SLAMF9: variants seen among roughly 807,000 people sequenced by gnomAD.
SLAMF9 encodes the protein SLAM family member 9, also known as CD2 family member 10.
In SLAMF9, 25 loss-of-function variants were observed where a neutral mutation model predicts 30.4. That is an observed-to-expected ratio of 0.82 (90% confidence interval 0.60 to 1.15). The LOEUF (loss-of-function observed/expected upper bound fraction) is 1.15. Ranked by LOEUF, SLAMF9 falls within the 50% of genes most tolerant of loss-of-function variation. The probability of loss-of-function intolerance (pLI) is 0.00; values close to 1 mark genes in which losing one functional copy is unlikely to be tolerated. For missense variants in SLAMF9, 344 were observed against 346.1 expected, an observed-to-expected ratio of 0.99 and a Z score of 0.05; for synonymous variants, 129 against 127.2, an observed-to-expected ratio of 1.01 and a Z score of -0.09.
chr1:159,955,465 G>A (rs553653119), upstream of SLAMF9, among the ~76,000 whole-genome samples: 15 of 152,260 alleles, frequency 9.9e-5, no homozygotes, highest in South Asian at 1.5e-3. Context: ...CAAGACCAAG[G>A]GAACAATAGA....
At chr1:159,968,361 G>A in the SLAMF9 span, among the ~76,000 whole-genome samples, 1 of 152,120 alleles carries the variant, frequency 6.6e-6, no homozygotes, top group African/African-American at 2.4e-5. Flanking sequence ...CATCTCTGAT[G>A]TACCAAGTAT....
upstream of SLAMF9, among the ~76,000 whole-genome samples, chr1:159,954,904 C>T (rs1316092771): frequency 2.6e-5 from 4 of 151,924 alleles, no homozygotes; most frequent in African/African-American, 9.7e-5. Flanking sequence ...CATGGTGAAA[C>T]CCCGTCTCTA....
the SLAMF9 span, among the ~76,000 whole-genome samples, chr1:159,961,675 G>A: frequency 3.9e-5 from 6 of 152,220 alleles, no homozygotes; most frequent in African/African-American, 1.4e-4. Context: ...GTTCCTCGCA[G>A]AGGGAGCAGC....
At chr1:159,969,571 G>A in the SLAMF9 span, among the ~76,000 whole-genome samples, 1 of 152,172 alleles carries the variant, frequency 6.6e-6, no homozygotes, top group African/African-American at 2.4e-5. Context: ...ATTGCAGATG[G>A]GCAAAACAAT....
the SLAMF9 span, chr1:159,978,656 C>T: frequency 6.6e-6 from 1 of 152,208 alleles, no homozygotes; most frequent in Admixed American, 6.5e-5. Flanking sequence ...AAGCAAAGTT[C>T]TCCAAAGTCC....
At chr1:159,958,332 GCATAAACAGTC>G (rs1454398210), upstream of SLAMF9, among the ~76,000 whole-genome samples, 6 of 152,264 alleles carry the variant, frequency 3.9e-5, no homozygotes, top group Admixed American at 3.3e-4. Context: ...CCATAAGTAG[GCATAAACAGTC>G]CATGATGCCT....
the SLAMF9 span, chr1:159,976,960 G>GAAAGAAAGAAAGAAAGAAAGAAAGAA: frequency 3.0e-4 from 31 of 101,882 alleles, no homozygotes; most frequent in African/African-American, 6.7e-4. Context: ...AAGAAAGAAA[G>GAAAGAAAGAAAGAAAGAAAGAAAGAA]AGAAAGAAAG....
At chr1:159,969,539 T>C in the SLAMF9 span, among the ~76,000 whole-genome samples, 3 of 152,196 alleles carry the variant, frequency 2.0e-5, no homozygotes, top group African/African-American at 7.2e-5. Flanking sequence ...TTAAGGGTTC[T>C]AGGGAGCCCC....
the SLAMF9 span, among the ~76,000 whole-genome samples, chr1:159,971,343 CAA>C: frequency 6.6e-6 from 1 of 152,084 alleles, no homozygotes; most frequent in African/African-American, 2.4e-5. Flanking sequence ...CGCTAGGCAA[CAA>C]AAATTCATCT....
At chr1:159,975,694 G>A in the SLAMF9 span, among the ~76,000 whole-genome samples, 1 of 152,200 alleles carries the variant, frequency 6.6e-6, no homozygotes, top group African/African-American at 2.4e-5. Context: ...CTGGGCAAGA[G>A]AGAGAGGTGT....
chr1:159,975,964 T>C, the SLAMF9 span, among the ~76,000 whole-genome samples: 14 of 152,330 alleles, frequency 9.2e-5, no homozygotes, highest in African/African-American at 3.1e-4. Flanking sequence ...AAAGTCTATA[T>C]GTAACTTCAG....
upstream of SLAMF9, among the ~76,000 whole-genome samples, chr1:159,955,461 C>A: frequency 6.6e-6 from 1 of 152,136 alleles, no homozygotes; most frequent in Non-Finnish European, 1.5e-5. Context: ...GTCTCAAGAC[C>A]AAGGGAACAA....
the SLAMF9 span, among the ~76,000 whole-genome samples, chr1:159,964,638 G>A: frequency 7.2e-5 from 11 of 152,256 alleles, no homozygotes; most frequent in South Asian, 1.5e-3. Context: ...CCAGAGGTTC[G>A]GAGTGGTGGA....
chr1:159,973,007 G>A, the SLAMF9 span: 1 of 1,412,256 alleles, frequency 7.1e-7, no homozygotes, highest in Non-Finnish European at 9.3e-7. Flanking sequence ...CCTGCACTCT[G>A]ACCTCCAGCT....
chr1:159,960,127 T>C, the SLAMF9 span, among the ~76,000 whole-genome samples: 1 of 151,232 alleles, frequency 6.6e-6, no homozygotes, highest in Middle Eastern at 3.4e-3. Context: ...AACTCGTCAT[T>C]TAGCATTAGG....
the SLAMF9 span, chr1:159,983,272 T>C: frequency 1.3e-5 from 2 of 152,180 alleles, no homozygotes; most frequent in Non-Finnish European, 2.9e-5. Flanking sequence ...GTTCACCAGA[T>C]GAAAGAGGCA....
the SLAMF9 span, among the ~76,000 whole-genome samples, chr1:159,962,971 A>G: frequency 6.6e-6 from 1 of 152,206 alleles, no homozygotes; most frequent in Non-Finnish European, 1.5e-5. Context: ...AAACTTTAAG[A>G]GTTCAAGGCT....
chr1:159,951,720 G>A lies in SLAMF9; in HGVS notation c.811C>T (p.Leu271Phe). 6.2e-7 allele frequency: 1 copy of A among 1,614,182 alleles called. No individual in the cohort carries two copies. ...KRHKMPRMKK[L>F]MRNRMKLRKE... Reference sequence around the variant, plus strand: ...CTCAATTTCATTCTGTTTCTCATGAGTTTCTTCATCCTTGGCATTTTGTGT... The same window carrying A: ...CTCAATTTCATTCTGTTTCTCATGAATTTCTTCATCCTTGGCATTTTGTGT... Residue 271 changes from leucine to phenylalanine, a missense_variant, in exon 4 of 4, where the codon CTC becomes TTC. Coordinates refer to ENST00000368093, the MANE Select transcript of SLAMF9 (RefSeq NM_033438.4).
the SLAMF9 span, among the ~76,000 whole-genome samples, chr1:159,977,750 A>G: frequency 6.6e-6 from 1 of 151,994 alleles, no homozygotes; most frequent in Non-Finnish European, 1.5e-5. Context: ...GAGCTCAGTA[A>G]GATGGAGCCA....
Sources: gnomAD v4.1 joint callset for allele counts (sites outside exome capture counted in the v4.1 genomes callset) on GRCh38, gnomAD v4.1.1 for gene constraint, MANE v1.5 for transcripts, NCBI Gene and HGNC (gene_info 2026-07-23, HGNC 2026-07-21) for gene names.